Variants in SNTG1 observed in about 807,000 individuals in gnomAD.
The protein encoded by SNTG1 is syntrophin gamma 1, also known as gamma-1-syntrophin.
SNTG1 carries 39 observed loss-of-function variants against 74.7 expected under a neutral mutation model. That is an observed-to-expected ratio of 0.52 (90% CI 0.40 to 0.68). SNTG1 has a LOEUF of 0.68. SNTG1 is among the 30% of genes least tolerant of loss of function. SNTG1 has a pLI of 0.00. For missense variants in SNTG1, 685 were observed against 609.5 expected (o/e 1.12, Z -1.30); for synonymous variants, 254 against 217.1 (o/e 1.17, Z -1.49).
intron 15 of SNTG1, among the ~76,000 whole-genome samples, chr8:50,660,354 AAGAAAGAG>A (rs1243895363): frequency 2.2e-5 from 3 of 136,042 alleles, no homozygotes; most frequent in South Asian, 2.5e-4. Context: ...GAAAGAAAGA[AAGAAAGAG>A]AGAGAGAGAA....
intron 1 of SNTG1, among the ~76,000 whole-genome samples, chr8:49,927,150 G>T (rs1585529984): frequency 6.6e-6 from 1 of 152,132 alleles, no homozygotes; most frequent in East Asian, 1.9e-4. Context: ...ATCCATTGCT[G>T]GTAGAAATGC....
At chr8:50,638,424 A>G (rs911060927) in intron 13 of SNTG1, among the ~76,000 whole-genome samples, 3 of 152,110 alleles carry the variant, frequency 2.0e-5, no homozygotes, top group African/African-American at 7.2e-5. Flanking sequence ...TTATATATTC[A>G]AAGCTATCAT....
At chr8:50,433,040 T>G (rs2093257750) in intron 4 of SNTG1, among the ~76,000 whole-genome samples, 1 of 152,152 alleles carries the variant, frequency 6.6e-6, no homozygotes, top group African/African-American at 2.4e-5. Context: ...TCCACCTGCC[T>G]CGGCCTCCCA....
intron 2 of SNTG1, among the ~76,000 whole-genome samples, chr8:50,234,900 T>C (rs116718688): frequency 0.015 from 2,245 of 152,064 alleles, 43 homozygotes; most frequent in African/African-American, 0.042. Context: ...ATAGAAGCTG[T>C]TGTTAGTAGA....
chr8:50,241,665 G>C (rs952541607), intron 2 of SNTG1, among the ~76,000 whole-genome samples: 15 of 152,160 alleles, frequency 9.9e-5, no homozygotes, highest in African/African-American at 3.6e-4. Flanking sequence ...AGAAGAGTAA[G>C]GTGATGTCTC....
At chr8:50,169,472 A>G (rs1441719480) in intron 1 of SNTG1, among the ~76,000 whole-genome samples, 2 of 152,148 alleles carry the variant, frequency 1.3e-5, no homozygotes, top group African/African-American at 2.4e-5. Context: ...ATAGAGAAAA[A>G]TGTATAAAGA....
chr8:50,181,484 T>C lies in SNTG1; in HGVS notation c.-28+8849T>C, dbSNP rs527903812. Among the ~76,000 whole-genome samples the C allele has an allele frequency of 1.7e-3, 263 of 152,314 alleles. 2 individuals are homozygous for C. Among genetic ancestry groups the C allele is most frequent in the African/African-American group, 5.9e-3 (247 of 41,554 alleles). On this transcript the variant is annotated intron_variant, in intron 2 of 18. Coordinates refer to ENST00000642720, the MANE Select transcript of SNTG1 (RefSeq NM_018967.5). ...TCCATGAATAGGTGGGGAAGGGCAG[T>C]CAGCAGAGTTTTTCAGGTGCTATTT...
intron 8 of SNTG1, among the ~76,000 whole-genome samples, chr8:50,485,204 T>A (rs1263835729): frequency 6.6e-6 from 1 of 152,190 alleles, no homozygotes; most frequent in Non-Finnish European, 1.5e-5. Flanking sequence ...TCAGGTTGTG[T>A]GGGCAGGGTT....
At chr8:50,683,700 T>G (rs1165667944) in intron 15 of SNTG1, among the ~76,000 whole-genome samples, 2 of 152,206 alleles carry the variant, frequency 1.3e-5, no homozygotes, top group African/African-American at 4.8e-5. Flanking sequence ...GAGTCCATTC[T>G]GCTACTTTAT....
At chr8:50,685,300 A>C (rs987414640) in intron 15 of SNTG1, among the ~76,000 whole-genome samples, 1 of 152,182 alleles carries the variant, frequency 6.6e-6, no homozygotes, top group African/African-American at 2.4e-5. Flanking sequence ...GCTGCTAGAA[A>C]GAACTATGCC....
intron 2 of SNTG1, among the ~76,000 whole-genome samples, chr8:50,266,646 ATGTGTGTGTGTGTGTGTG>A (rs748153246): frequency 1.4e-5 from 1 of 69,682 alleles, no homozygotes; most frequent in African/African-American, 3.1e-5. Context: ...ACACAGAATT[ATGTGTGTGTGTGTGTGTG>A]TGTGTGTGTG....
At chr8:50,405,821 G>A (rs1324935853) in intron 4 of SNTG1, among the ~76,000 whole-genome samples, 1 of 151,986 alleles carries the variant, frequency 6.6e-6, no homozygotes, top group Non-Finnish European at 1.5e-5. Flanking sequence ...TCTGTACATA[G>A]CATTAGGTAA....
chr8:49,913,516 T>C (rs1046354313), intron 1 of SNTG1, among the ~76,000 whole-genome samples: 14 of 152,180 alleles, frequency 9.2e-5, no homozygotes, highest in African/African-American at 9.7e-5. Context: ...TTCTTAACTG[T>C]CACCACTTAC....
In SNTG1 at chr8:50,251,393, T is replaced by C. The variant is rs572223620; in HGVS notation, c.-28+78758T>C. ...AATTATTTGCCTATAAATAATAACA[T>C]GAATGTAAGTGGATTAAATTTTCCA... is the stretch of plus-strand genomic sequence containing the variant. On this transcript the variant is annotated intron_variant, in intron 2 of 18. Transcript: ENST00000642720. 1.4e-4 allele frequency among the ~76,000 whole-genome samples: 21 copies of C among 152,004 alleles called. No homozygotes were observed. The South Asian group carries it at 4.4e-3, about 32-fold the overall frequency.
chr8:50,265,581 T>A (rs920878605), intron 2 of SNTG1, among the ~76,000 whole-genome samples: 1 of 152,028 alleles, frequency 6.6e-6, no homozygotes, highest in Non-Finnish European at 1.5e-5. Flanking sequence ...AGTATTTGCT[T>A]TTGTCACTTC....
At chr8:50,614,637 C>T (rs1299831474) in intron 13 of SNTG1, among the ~76,000 whole-genome samples, 1 of 152,050 alleles carries the variant, frequency 6.6e-6, no homozygotes, top group Non-Finnish European at 1.5e-5. Context: ...CCCACAGAAG[C>T]ATGAGTAAAT....
chr8:50,087,663 A>G (rs1228200926), intron 1 of SNTG1, among the ~76,000 whole-genome samples: 1 of 152,134 alleles, frequency 6.6e-6, no homozygotes, highest in Non-Finnish European at 1.5e-5. Flanking sequence ...TCCTTATTTC[A>G]AAGTATATGA....
At chr8:49,913,220 A>T (rs1247486215) in intron 1 of SNTG1, among the ~76,000 whole-genome samples, 1 of 152,226 alleles carries the variant, frequency 6.6e-6, no homozygotes, top group East Asian at 1.9e-4. Flanking sequence ...ACTTGCAAGG[A>T]TGGAATTTTA....
At chr8:50,505,567 A>G (rs767153508) in intron 9 of SNTG1, among the ~76,000 whole-genome samples, 44 of 152,010 alleles carry the variant, frequency 2.9e-4, no homozygotes, top group Non-Finnish European at 4.7e-4. Flanking sequence ...TCAGATGATA[A>G]TTCACTGTGG....
Sources: allele counts gnomAD v4.1 joint callset (sites outside exome capture counted in the v4.1 genomes callset), GRCh38; gene constraint gnomAD v4.1.1; transcripts MANE v1.5; gene names NCBI Gene and HGNC (gene_info 2026-07-23, HGNC 2026-07-21).